Variants in DACH2 observed in about 807,000 individuals in gnomAD.
DACH2 encodes the protein dachshund family transcription factor 2, also known as dachshund homolog 2.
DACH2 carries 17 observed loss-of-function variants against 35.8 expected under a neutral mutation model. That is an observed-to-expected ratio of 0.48 (90% CI 0.33 to 0.71). The LOEUF is 0.71. Among genes scored for constraint, DACH2 ranks in the 30% least tolerant of loss-of-function variants. DACH2 has a pLI of 0.02. For synonymous variants in DACH2, 195 were observed against 177.3 expected (o/e 1.10, Z -0.79); for missense variants, 469 against 472.7 (o/e 0.99, Z 0.07).
chrX:86,596,336 T>G (rs1039030388), intron 3 of DACH2, among the ~76,000 whole-genome samples: 1 of 111,819 alleles, frequency 8.9e-6, no homozygotes, highest in Non-Finnish European at 1.9e-5. Context: ...TCATTGTACA[T>G]TCTTACCAGC....
intron 1 of DACH2, among the ~76,000 whole-genome samples, chrX:86,265,891 T>G (rs1379416780): frequency 9.0e-6 from 1 of 111,452 alleles, no homozygotes; most frequent in Non-Finnish European, 1.9e-5. Flanking sequence ...ACAGTATTAT[T>G]AGTTATAGGT....
intron 1 of DACH2, among the ~76,000 whole-genome samples, chrX:86,172,930 A>G (rs1478681111): frequency 8.9e-6 from 1 of 112,040 alleles, no homozygotes; most frequent in Non-Finnish European, 1.9e-5. Context: ...CAAAAACTTA[A>G]TAGTTTGAAA....
chrX:86,455,069 C>T (rs897625470), intron 2 of DACH2, among the ~76,000 whole-genome samples: 1 of 110,810 alleles, frequency 9.0e-6, no homozygotes, highest in African/African-American at 3.3e-5. Flanking sequence ...CTTGAGACCC[C>T]AGTTGCCTCA....
chrX:86,705,669 G>A (rs764314606), intron 5 of DACH2, among the ~76,000 whole-genome samples: 9 of 111,165 alleles, frequency 8.1e-5, no homozygotes, highest in Non-Finnish European at 1.3e-4. Context: ...CAGCCTCTAT[G>A]GAAAACAATA....
At chrX:86,408,257 T>C (rs1009839302) in intron 2 of DACH2, among the ~76,000 whole-genome samples, 1 of 111,839 alleles carries the variant, frequency 8.9e-6, no homozygotes, top group Non-Finnish European at 1.9e-5. Flanking sequence ...ATATATTATA[T>C]GCCAGAGATT....
intron 6 of DACH2, among the ~76,000 whole-genome samples, chrX:86,738,415 T>C (rs1288050199): frequency 8.9e-6 from 1 of 112,301 alleles, no homozygotes; most frequent in African/African-American, 3.2e-5. Context: ...TACAAGCACA[T>C]ATTCGACAAA....
chrX:86,729,275 C>T (rs899620453), intron 6 of DACH2, among the ~76,000 whole-genome samples: 6 of 112,049 alleles, frequency 5.4e-5, no homozygotes, highest in East Asian at 2.8e-4. Context: ...TTTGAACTTG[C>T]GTGGGACCTT....
chrX:86,297,167 G>T (rs2034482589), intron 1 of DACH2, among the ~76,000 whole-genome samples: 1 of 108,337 alleles, frequency 9.2e-6, no homozygotes, highest in African/African-American at 3.4e-5. Flanking sequence ...TCAATTTTCA[G>T]AATATTATGG....
At chrX:86,815,991 A>G in intron 10 of DACH2, 43 bp from the exon 11 acceptor site, 1 of 1,046,723 alleles carries the variant, frequency 9.6e-7, no homozygotes, top group Non-Finnish European at 1.3e-6. Context: ...TGGAATCAGG[A>G]ACCACCTAAT....
intron 1 of DACH2, among the ~76,000 whole-genome samples, chrX:86,249,584 C>A (rs2033358729): frequency 9.0e-6 from 1 of 111,407 alleles, no homozygotes; most frequent in Non-Finnish European, 1.9e-5. Flanking sequence ...GAAAATGGAA[C>A]ACTTATACAC....
Position 86,148,674 on chromosome X carries a change from C to T in DACH2, c.54C>T (p.Val18=). Reference sequence around the variant, plus strand: ...CTGCAACTTCCAGCGGCGCCGGCGTCCCGGGGGGCTTATTCCGGGCCGAAC... The same window carrying T: ...CTGCAACTTCCAGCGGCGCCGGCGTTCCGGGGGGCTTATTCCGGGCCGAAC... ...VISATSSGAG[V]PGGLFRAEPL... Residue 18 remains valine (V), a synonymous_variant, in exon 1 of 12, where the codon GTC becomes GTT. Coordinates refer to ENST00000373125, the MANE Select transcript of DACH2 (RefSeq NM_053281.3). The T allele has an allele frequency of 1.7e-6, 2 of 1,203,043 alleles. No individual in the cohort carries two copies. Among genetic ancestry groups the T allele is most frequent in the Non-Finnish European group, 2.2e-6 (2 of 891,054 alleles).
At chrX:86,213,351 T>C (rs2032491823) in intron 1 of DACH2, among the ~76,000 whole-genome samples, 1 of 111,414 alleles carries the variant, frequency 9.0e-6, no homozygotes, top group Admixed American at 9.6e-5. Context: ...CATAACAATT[T>C]TGAGTCGTCC....
At chrX:86,530,051 A>T (rs1362683961) in intron 3 of DACH2, among the ~76,000 whole-genome samples, 1 of 109,809 alleles carries the variant, frequency 9.1e-6, no homozygotes, top group African/African-American at 3.3e-5. Context: ...TTTTAGGACC[A>T]GAATATCTAT....
At chrX:86,230,276 A>G (rs2032921370) in intron 1 of DACH2, among the ~76,000 whole-genome samples, 1 of 111,079 alleles carries the variant, frequency 9.0e-6, no homozygotes, top group Non-Finnish European at 1.9e-5. Context: ...ATTGGCTTGC[A>G]TATGTTAAAC....
At chrX:86,386,269 T>C (rs1052971485) in intron 2 of DACH2, among the ~76,000 whole-genome samples, 1 of 111,404 alleles carries the variant, frequency 9.0e-6, no homozygotes, top group African/African-American at 3.3e-5. Flanking sequence ...CATGATTAAA[T>C]TGGGGTTATG....
At chrX:86,361,977 G>A (rs1017071626) in intron 1 of DACH2, among the ~76,000 whole-genome samples, 5 of 110,817 alleles carry the variant, frequency 4.5e-5, no homozygotes, top group African/African-American at 1.6e-4. Context: ...AGTTACAATT[G>A]CAATAATTAT....
intron 1 of DACH2, among the ~76,000 whole-genome samples, chrX:86,269,810 T>C (rs1294303666): frequency 1.8e-5 from 2 of 109,919 alleles, no homozygotes; most frequent in African/African-American, 6.6e-5. Flanking sequence ...TGTCATTTTG[T>C]GTTAAAAAGT....
chrX:86,172,762 A>C (rs1302528702), intron 1 of DACH2, among the ~76,000 whole-genome samples: 1 of 111,611 alleles, frequency 9.0e-6, no homozygotes, highest in African/African-American at 3.3e-5. Flanking sequence ...AAGAAGAGAG[A>C]AGCACTACAC....
chrX:86,447,234 A>G (rs1234430909), intron 2 of DACH2, among the ~76,000 whole-genome samples: 1 of 81,984 alleles, frequency 1.2e-5, no homozygotes, highest in Non-Finnish European at 2.3e-5. Context: ...ATTTTCTCCC[A>G]TGTTGTAGGT....
Sources: gnomAD v4.1 joint callset for allele counts (sites outside exome capture counted in the v4.1 genomes callset) on GRCh38, gnomAD v4.1.1 for gene constraint, MANE v1.5 for transcripts, NCBI Gene and HGNC (gene_info 2026-07-23, HGNC 2026-07-21) for gene names.